DLG2: variants seen among roughly 807,000 people sequenced by gnomAD.
The protein encoded by DLG2 is discs large MAGUK scaffold protein 2.
A neutral mutation model predicts 132.5 loss-of-function variants in DLG2; 45 were observed. The observed-to-expected ratio is 0.34, with a 90% CI of 0.27 to 0.44. DLG2 has a LOEUF of 0.44. Ranked by LOEUF, DLG2 falls within the 20% of genes least tolerant of loss-of-function variation. The probability of loss-of-function intolerance (pLI) is 1.00; values close to 1 mark genes in which losing one functional copy is unlikely to be tolerated. For missense variants in DLG2, 1,045 were observed against 1,196.9 expected (o/e 0.87, Z 1.87); for synonymous variants, 424 against 419.6 (o/e 1.01, Z -0.13).
chr11:85,384,656 C>A (rs1046979398), intron 3 of DLG2, among the ~76,000 whole-genome samples: 2 of 152,194 alleles, frequency 1.3e-5, no homozygotes, highest in Non-Finnish European at 2.9e-5. Flanking sequence ...GCAACCTCCA[C>A]CTCCTGGGTT....
chr11:84,152,200 C>T (rs1241126596), intron 9 of DLG2, among the ~76,000 whole-genome samples: 2 of 152,068 alleles, frequency 1.3e-5, no homozygotes, highest in Non-Finnish European at 2.9e-5. Flanking sequence ...TCTAGAAGTA[C>T]CTGTTTTACA....
chr11:85,602,619 C>T (rs7116532), intron 2 of DLG2, among the ~76,000 whole-genome samples: 8,715 of 151,954 alleles, frequency 0.057, 806 homozygotes, highest in African/African-American at 0.2. Flanking sequence ...CTTTTCTAAA[C>T]CCAATAGCCA....
intron 9 of DLG2, among the ~76,000 whole-genome samples, chr11:84,100,640 T>C (rs1326792542): frequency 6.6e-6 from 1 of 152,030 alleles, no homozygotes; most frequent in East Asian, 1.9e-4. Flanking sequence ...CTCTACATAT[T>C]CTTACAAAAA....
intron 6 of DLG2, among the ~76,000 whole-genome samples, chr11:84,641,235 C>T (rs2099663097): frequency 6.6e-6 from 1 of 152,174 alleles, no homozygotes; most frequent in Non-Finnish European, 1.5e-5. Context: ...CTCTCTGTCT[C>T]AGCTTCACTA....
At chr11:84,493,570 CAAGGTGTT>C (rs1347960675) in intron 7 of DLG2, among the ~76,000 whole-genome samples, 3 of 152,044 alleles carry the variant, frequency 2.0e-5, no homozygotes, top group Non-Finnish European at 2.9e-5. Context: ...AATGACCCCT[CAAGGTGTT>C]CATCTCTACA....
chr11:85,042,689 G>A (rs894960985), intron 6 of DLG2, among the ~76,000 whole-genome samples: 3 of 151,876 alleles, frequency 2.0e-5, no homozygotes, highest in Non-Finnish European at 4.4e-5. Flanking sequence ...AATAAAGTTA[G>A]TGGATTGCCC....
intron 14 of DLG2, among the ~76,000 whole-genome samples, chr11:83,960,353 T>TTTGC (rs975249608): frequency 6.6e-6 from 1 of 152,056 alleles, no homozygotes; most frequent in African/African-American, 2.4e-5. Flanking sequence ...TGACCCTACT[T>TTTGC]TTGCTTGCTT....
intron 6 of DLG2, among the ~76,000 whole-genome samples, chr11:84,755,624 C>A (rs1249291280): frequency 6.6e-6 from 1 of 152,186 alleles, no homozygotes; most frequent in African/African-American, 2.4e-5. Context: ...GGGGTTACAC[C>A]GTGTTAGCCA....
intron 5 of DLG2, among the ~76,000 whole-genome samples, chr11:85,113,673 T>C (rs1594385699): frequency 6.6e-6 from 1 of 152,024 alleles, no homozygotes; most frequent in East Asian, 1.9e-4. Flanking sequence ...TTGATCTACC[T>C]GTGGAACTTT....
Position 83,712,523 on chromosome 11 carries a change from G to A in DLG2, c.1825+74167C>T, listed in dbSNP as rs192125773. On this transcript the variant is annotated intron_variant, in intron 18 of 27. Coordinates refer to ENST00000376104, the MANE Select transcript of DLG2 (RefSeq NM_001142699.3). ...TGCATGCCTGTAATCCCAGCTACTC[G>A]GGAGGCTGAGGTGGGAGAATTACTT... Among the ~76,000 whole-genome samples the A allele has an allele frequency of 7.2e-5, 11 of 152,132 alleles. No homozygotes were observed. In the East Asian group the frequency reaches 7.7e-4, roughly 11 times the overall value.
intron 6 of DLG2, among the ~76,000 whole-genome samples, chr11:84,614,678 T>A (rs2099600984): frequency 6.6e-6 from 1 of 152,142 alleles, no homozygotes; most frequent in Admixed American, 6.6e-5. Context: ...TTGTTGATCT[T>A]TAAAATATTT....
chr11:85,196,518 C>CCAG (rs1302774509), intron 4 of DLG2, among the ~76,000 whole-genome samples: 4 of 151,988 alleles, frequency 2.6e-5, no homozygotes, highest in Non-Finnish European at 5.9e-5. Flanking sequence ...GTAAATAGTC[C>CCAG]CACTATAACC....
chr11:85,577,912 A>AT (rs1260109986), intron 3 of DLG2, among the ~76,000 whole-genome samples: 3 of 152,184 alleles, frequency 2.0e-5, no homozygotes, highest in African/African-American at 7.2e-5. Context: ...TATGGAACCA[A>AT]TAAAAAGCCC....
At chr11:83,875,703 G>A (rs897102640) in intron 15 of DLG2, among the ~76,000 whole-genome samples, 28 of 152,090 alleles carry the variant, frequency 1.8e-4, no homozygotes, top group African/African-American at 6.8e-4. Context: ...ATATGAACAA[G>A]TGTATATATA....
chr11:84,612,452 G>A (rs768345628), intron 6 of DLG2, among the ~76,000 whole-genome samples: 1 of 152,026 alleles, frequency 6.6e-6, no homozygotes, highest in East Asian at 1.9e-4. Flanking sequence ...TAAATACCTA[G>A]GAGTGGAATG....
rs140519533 is a variant in DLG2, at chr11:85,589,365, T to G, written c.40+9292A>C. Among the ~76,000 whole-genome samples the G allele has an allele frequency of 2.8e-3, 419 of 152,286 alleles. 2 individuals carry two copies. Among genetic ancestry groups the G allele is most frequent in the Admixed American group, 4.0e-3 (61 of 15,288 alleles). On this transcript the variant is annotated intron_variant, in intron 3 of 27. Transcript: ENST00000376104. ...GTGATAGAAGAGGGGGGATATAAGC[T>G]TGCCCTAAGTTGACCAAGATAAGTG... is the stretch of plus-strand genomic sequence containing the variant.
At chr11:84,578,918 C>T (rs565910554) in intron 6 of DLG2, among the ~76,000 whole-genome samples, 1 of 152,260 alleles carries the variant, frequency 6.6e-6, no homozygotes, top group South Asian at 2.1e-4. Context: ...GTAATTGAAT[C>T]ATGGTGGCCG....
intron 4 of DLG2, among the ~76,000 whole-genome samples, chr11:85,225,969 C>T (rs2074949091): frequency 6.6e-6 from 1 of 152,038 alleles, no homozygotes; most frequent in African/African-American, 2.4e-5. Flanking sequence ...CTCCCCAATG[C>T]CATCACCAAC....
At chr11:83,547,477 T>C (rs1331047855) in intron 19 of DLG2, among the ~76,000 whole-genome samples, 2 of 152,020 alleles carry the variant, frequency 1.3e-5, no homozygotes, top group African/African-American at 4.8e-5. Context: ...ATCAGAGAGA[T>C]ATGACTTGGG....
Sources: allele counts gnomAD v4.1 joint callset (sites outside exome capture counted in the v4.1 genomes callset), GRCh38; gene constraint gnomAD v4.1.1; transcripts MANE v1.5; gene names NCBI Gene and HGNC (gene_info 2026-07-23, HGNC 2026-07-21).